Variants in EPHA7 observed in about 807,000 individuals in gnomAD.
EPHA7 encodes ephrin type-A receptor 7.
EPHA7 carries 25 observed loss-of-function variants against 112.6 expected under a neutral mutation model. That is an observed-to-expected ratio of 0.22 (90% CI 0.16 to 0.31). EPHA7 has a LOEUF of 0.31. Ranked by LOEUF, EPHA7 falls within the 10% of genes least tolerant of loss-of-function variation. The probability of loss-of-function intolerance (pLI) is 1.00; values close to 1 mark genes in which losing one functional copy is unlikely to be tolerated. For missense variants in EPHA7, 962 were observed against 1,212.6 expected (o/e 0.79, Z 3.07); for synonymous variants, 437 against 406.5 (o/e 1.07, Z -0.90).
rs368912660 is a variant in EPHA7 at position 93,336,575 on chromosome 6, T to G, written c.1324+20142A>C. Among the ~76,000 whole-genome samples the G allele has an allele frequency of 2.6e-4, 40 of 152,080 alleles. No individual in the cohort carries two copies. The Middle Eastern group carries it at 0.01, about 39-fold the overall frequency. ...GTGCCACCACGCCTAGCTATTTTTT[T>G]TATTTTTAGTAGAGACGGGGTTTCA... On this transcript the variant is annotated intron_variant, in intron 5 of 16. Coordinates refer to ENST00000369303, the MANE Select transcript of EPHA7 (RefSeq NM_004440.4).
At chr6:93,364,123 G>A (rs745850937) in intron 3 of EPHA7, among the ~76,000 whole-genome samples, 4 of 152,038 alleles carry the variant, frequency 2.6e-5, no homozygotes, top group South Asian at 4.2e-4. Context: ...AATGATTTGC[G>A]GTGACAGTTG....
At chr6:93,328,745 C>G (rs1009629323) in intron 5 of EPHA7, among the ~76,000 whole-genome samples, 2 of 151,188 alleles carry the variant, frequency 1.3e-5, no homozygotes, top group Non-Finnish European at 3.0e-5. Flanking sequence ...CTCATAGAAG[C>G]CCTACATAAT....
chr6:93,255,307 C>T (rs1221382588), intron 13 of EPHA7, among the ~76,000 whole-genome samples: 1 of 151,926 alleles, frequency 6.6e-6, no homozygotes, highest in East Asian at 1.9e-4. Context: ...AAGATTGTGC[C>T]ATTGCACTCC....
intron 5 of EPHA7, among the ~76,000 whole-genome samples, chr6:93,314,683 A>C (rs1040588807): frequency 6.6e-6 from 1 of 152,078 alleles, no homozygotes; most frequent in African/African-American, 2.4e-5. Context: ...ACTCAAGAAA[A>C]CTGAACTTAG....
At chr6:93,413,114 C>G (rs543532160) in intron 2 of EPHA7, among the ~76,000 whole-genome samples, 8 of 152,016 alleles carry the variant, frequency 5.3e-5, no homozygotes, top group Non-Finnish European at 7.4e-5. Flanking sequence ...TTCATTCAGA[C>G]ACTGCATTTT....
At chr6:93,296,201 G>A (rs182118598) in intron 5 of EPHA7, among the ~76,000 whole-genome samples, 4 of 150,248 alleles carry the variant, frequency 2.7e-5, no homozygotes, top group Admixed American at 2.0e-4. Context: ...AACACAGATC[G>A]CTGCAGCCAT....
intron 5 of EPHA7, among the ~76,000 whole-genome samples, chr6:93,342,507 G>C (rs1351360668): frequency 6.6e-6 from 1 of 151,464 alleles, no homozygotes; most frequent in Non-Finnish European, 1.5e-5. Context: ...TAGTCCCTAG[G>C]GTGCAATTCT....
intron 14 of EPHA7, among the ~76,000 whole-genome samples, chr6:93,253,591 A>T (rs1486448332): frequency 6.6e-6 from 1 of 151,664 alleles, no homozygotes; most frequent in Non-Finnish European, 1.5e-5. Flanking sequence ...TCCTCTGAAA[A>T]CTCCTTCATC....
chr6:93,415,859 C>A (rs974099872), intron 1 of EPHA7, among the ~76,000 whole-genome samples: 1 of 151,980 alleles, frequency 6.6e-6, no homozygotes, highest in African/African-American at 2.4e-5. Context: ...AACTCAATCA[C>A]TAGGGATAAA....
intron 5 of EPHA7, among the ~76,000 whole-genome samples, chr6:93,296,290 A>G (rs984174302): frequency 1.3e-5 from 2 of 151,262 alleles, no homozygotes; most frequent in Non-Finnish European, 3.0e-5. Flanking sequence ...TTCTGGGACT[A>G]TACCCAAAGG....
intron 3 of EPHA7, among the ~76,000 whole-genome samples, chr6:93,397,685 C>G (rs1208267440): frequency 1.3e-5 from 2 of 151,850 alleles, no homozygotes; most frequent in Admixed American, 1.3e-4. Flanking sequence ...ACTCAGTTAT[C>G]TATTAACATT....
intron 5 of EPHA7, among the ~76,000 whole-genome samples, chr6:93,277,326 T>C (rs1771517047): frequency 6.6e-6 from 1 of 152,194 alleles, no homozygotes; most frequent in Non-Finnish European, 1.5e-5. Flanking sequence ...GCCATAATTA[T>C]ACATGCAGTG....
At chr6:93,324,033 A>G (rs896076392) in intron 5 of EPHA7, among the ~76,000 whole-genome samples, 5 of 151,498 alleles carry the variant, frequency 3.3e-5, no homozygotes, top group African/African-American at 1.2e-4. Context: ...TAAACCATCC[A>G]TGAAGGGGCA....
At chr6:93,367,555 A>G (rs566956987) in intron 3 of EPHA7, among the ~76,000 whole-genome samples, 43 of 152,250 alleles carry the variant, frequency 2.8e-4, no homozygotes, top group African/African-American at 1.0e-3. Flanking sequence ...ATAAGGTCTC[A>G]CTTCAATGAT....
At chr6:93,403,890 T>C (rs770326249) in intron 3 of EPHA7, among the ~76,000 whole-genome samples, 1 of 152,078 alleles carries the variant, frequency 6.6e-6, no homozygotes, top group Non-Finnish European at 1.5e-5. Flanking sequence ...AGAATGCATA[T>C]AATTAAAGTA....
At chr6:93,369,180 CCACACACACACACACACA>C (rs35708007) in intron 3 of EPHA7, among the ~76,000 whole-genome samples, 8 of 144,920 alleles carry the variant, frequency 5.5e-5, no homozygotes, top group Middle Eastern at 3.5e-3. Flanking sequence ...AAAATAAAGG[CCACACACACACACACACA>C]CACACACACA....
At chr6:93,321,108 T>C (rs558951426) in intron 5 of EPHA7, among the ~76,000 whole-genome samples, 164 of 152,072 alleles carry the variant, frequency 1.1e-3, no homozygotes, top group African/African-American at 3.9e-3. Context: ...TATATGTCTC[T>C]TTTAAATCAG....
chr6:93,396,067 A>G (rs1026202095), intron 3 of EPHA7, among the ~76,000 whole-genome samples: 3 of 151,922 alleles, frequency 2.0e-5, no homozygotes, highest in African/African-American at 7.2e-5. Flanking sequence ...AAAGGATGCA[A>G]TCAGACAGGC....
intron 3 of EPHA7, among the ~76,000 whole-genome samples, chr6:93,388,378 C>CA (rs1198913834): frequency 2.6e-5 from 4 of 152,080 alleles, no homozygotes; most frequent in Non-Finnish European, 5.9e-5. Flanking sequence ...TTACCATCAT[C>CA]AAAATCACTT....
Sources: gnomAD v4.1 joint callset for allele counts (sites outside exome capture counted in the v4.1 genomes callset) on GRCh38, gnomAD v4.1.1 for gene constraint, MANE v1.5 for transcripts, NCBI Gene and HGNC (gene_info 2026-07-23, HGNC 2026-07-21) for gene names.